Variants in MMEL1 observed in about 807,000 individuals in gnomAD.
MMEL1 encodes membrane metalloendopeptidase like 1, also known as membrane metallo-endopeptidase-like 1.
MMEL1 carries 98 observed loss-of-function variants against 117.1 expected under a neutral mutation model. The ratio of observed to expected loss-of-function variants is 0.84; its 90% CI spans 0.71 to 0.99. The LOEUF is 0.99. Among genes scored for constraint, MMEL1 ranks in the 50% least tolerant of loss-of-function variants. The probability of loss-of-function intolerance (pLI) is 0.00; values close to 1 mark genes in which losing one functional copy is unlikely to be tolerated. For synonymous variants in MMEL1, 390 were observed against 415.1 expected (o/e 0.94, Z 0.74); for missense variants, 1,014 against 1,049.1 (o/e 0.97, Z 0.46).
At chr1:2,625,785 C>T (rs977353503) in intron 2 of MMEL1, among the ~76,000 whole-genome samples, 4 of 152,162 alleles carry the variant, frequency 2.6e-5, no homozygotes, top group African/African-American at 9.7e-5. Flanking sequence ...GTGGTATATA[C>T]AAGATCGGGC....
intron 9 of MMEL1, among the ~76,000 whole-genome samples, chr1:2,604,635 AGGGTGGTGGGTGCCG>A (rs769883867): frequency 5.3e-5 from 8 of 151,140 alleles, no homozygotes; most frequent in South Asian, 2.1e-4. Context: ...TGTGGGTGCC[AGGGTGGTGGGTGCCG>A]GGGTGGTGGG....
chr1:2,604,249 T>G lies in MMEL1; in HGVS notation c.849A>C (p.Ser283=). ...CATCCTCCCGCAGCAACGTGGCCACTGACACCATGAACTGCAGGTAGGCTT... is the reference window on the plus strand; with the variant it reads ...CATCCTCCCGCAGCAACGTGGCCACGGACACCATGAACTGCAGGTAGGCTT... ...VREAYLQFMV[S]VATLLREDAN... Residue 283 remains serine (S), a synonymous_variant, in exon 10 of 24, where the codon TCA becomes TCC. Transcript: ENST00000378412. 6.2e-7 allele frequency: 1 copy of G among 1,612,714 alleles called. No homozygotes were observed. The highest frequency in any genetic ancestry group is 8.5e-7 in the Non-Finnish European group (1 of 1,179,886).
rs1260821188 is a variant in MMEL1 at position 2,591,419 on chromosome 1, G to T, written c.2240+138C>A. On this transcript the variant is annotated intron_variant, in intron 23 of 23. Coordinates refer to ENST00000378412, the MANE Select transcript of MMEL1 (RefSeq NM_033467.4). ...GAATGTCCCTGACCGAAATCGGCCA[G>T]AAGCCCCTCTCAGGTTTATTCCCAA... The T allele has an allele frequency of 7.0e-5, 51 of 732,738 alleles. No individual in the cohort carries two copies. In the Admixed American group the frequency reaches 1.1e-3, roughly 16 times the overall value. 45.4% of individuals were successfully genotyped at this position (732,738 alleles called of 1,614,324 possible).
At position 2,593,796 on chromosome 1, in the gene MMEL1, G is replaced by A. The variant is rs780981992; in HGVS notation, c.1867+18C>T. On this transcript the variant is annotated intron_variant, in intron 19 of 23. Transcript: ENST00000378412. ...CGGAGAGGGGAGGGCGTGTGTGATT[G>A]GAGGGGCGGCCGCTCACCATTGTCG... 1 of 1,587,348 alleles carries A rather than the reference G, an allele frequency of 6.3e-7. No homozygotes were observed. Among genetic ancestry groups the A allele is most frequent in the Non-Finnish European group, 8.6e-7 (1 of 1,164,174 alleles).
chr1:2,594,741 G>C (rs1260396321), intron 17 of MMEL1, 49 bp downstream of exon 17: 1 of 1,513,260 alleles, frequency 6.6e-7, no homozygotes, highest in Non-Finnish European at 9.1e-7. Context: ...CGCCTTACTG[G>C]CCACTCCCTG....
At chr1:2,617,477 G>A (rs536107615) in intron 2 of MMEL1, among the ~76,000 whole-genome samples, 5 of 146,990 alleles carry the variant, frequency 3.4e-5, no homozygotes, top group African/African-American at 1.3e-4. Context: ...GTGCATGCCT[G>A]TAATCCCATC....
intron 6 of MMEL1, among the ~76,000 whole-genome samples, chr1:2,607,519 G>GTGTCCTGTGTC (rs1557539853): frequency 6.6e-6 from 1 of 152,124 alleles, no homozygotes; most frequent in Non-Finnish European, 1.5e-5. Context: ...GGGCCTGTGT[G>GTGTCCTGTGTC]TGTCCTGTGT....
intron 11 of MMEL1, among the ~76,000 whole-genome samples, chr1:2,602,681 C>G (rs928899268): frequency 6.6e-6 from 1 of 152,194 alleles, no homozygotes; most frequent in Non-Finnish European, 1.5e-5. Flanking sequence ...TCAAGTGGCC[C>G]CCGAGGTCGG....
intron 11 of MMEL1, among the ~76,000 whole-genome samples, chr1:2,603,350 G>A (rs1644965489): frequency 1.3e-5 from 2 of 152,328 alleles, no homozygotes; most frequent in South Asian, 4.1e-4. Flanking sequence ...AGAGTCGGCT[G>A]AGGGAGTGGG....
intron 7 of MMEL1, among the ~76,000 whole-genome samples, chr1:2,606,705 A>C (rs1645034728): frequency 6.6e-6 from 1 of 151,892 alleles, no homozygotes; most frequent in South Asian, 2.1e-4. Context: ...CTGGGGCCTG[A>C]GTGTCGAGCG....
intron 2 of MMEL1, among the ~76,000 whole-genome samples, chr1:2,623,642 G>A (rs1451170000): frequency 2.6e-5 from 4 of 152,178 alleles, no homozygotes; most frequent in South Asian, 2.1e-4. Context: ...TGGAGTAGCC[G>A]GGAGCCCCCA....
At chr1:2,591,170 C>G in intron 23 of MMEL1, 81 bp from the exon 24 acceptor site, 5 of 1,004,138 alleles carry the variant, frequency 5.0e-6, no homozygotes, top group Non-Finnish European at 7.2e-6. Flanking sequence ...TGATTAAAAA[C>G]CAGCCCAAAA....
At chr1:2,593,760 C>T in intron 19 of MMEL1, 54 bp downstream of exon 19, 6 of 1,516,002 alleles carry the variant, frequency 4.0e-6, no homozygotes, top group Non-Finnish European at 5.3e-6. Flanking sequence ...CCCTTCCTGG[C>T]TGCTTCTCCG....
intron 6 of MMEL1, among the ~76,000 whole-genome samples, chr1:2,608,853 C>T (rs1645076247): frequency 6.6e-6 from 1 of 151,958 alleles, no homozygotes; most frequent in South Asian, 2.1e-4. Flanking sequence ...ACACATGTAC[C>T]CACATGTACA....
rs182039822 is a variant in MMEL1 at position 2,619,290 on chromosome 1, G to A, written c.155-7086C>T. On this transcript the variant is annotated intron_variant, in intron 2 of 23. Transcript: ENST00000378412. ...CAATAAATCATTGTTTTATGCCAGT[G>A]AGTGTTGGGCTGGGTTTTAAGACCC... Among the ~76,000 whole-genome samples, 12 of 152,348 alleles carry A rather than the reference G, an allele frequency of 7.9e-5. 1 individual carries two copies. The East Asian group carries it at 2.3e-3, about 29-fold the overall frequency.
Position 2,605,669 on chromosome 1 carries a change from C to A in MMEL1, c.751-46G>T, listed in dbSNP as rs1645012592. On this transcript the variant is annotated intron_variant, in intron 8 of 23. Coordinates refer to ENST00000378412, the MANE Select transcript of MMEL1 (RefSeq NM_033467.4). ...ACCCTGGGCAAGGGGCCCGGGGTCC[C>A]CGCAGCCTGGCTGAGGCAGGCTGCA... 3.3e-6 allele frequency: 5 copies of A among 1,523,334 alleles called. No homozygotes were observed. In the African/African-American group the frequency reaches 5.5e-5, roughly 17 times the overall value. The allele number at this position is 1,523,334 out of a possible 1,614,324, so 94.4% of individuals were successfully genotyped here.
chr1:2,603,097 C>T (rs571320711), intron 11 of MMEL1, among the ~76,000 whole-genome samples: 2 of 152,328 alleles, frequency 1.3e-5, no homozygotes, highest in South Asian at 4.1e-4. Flanking sequence ...CTAGGGACCA[C>T]CAGCCTTCCA....
At chr1:2,604,401 C>T in intron 9 of MMEL1, 120 bp from the exon 10 acceptor site, 1 of 1,375,344 alleles carries the variant, frequency 7.3e-7, no homozygotes. Context: ...TGTCCACCCA[C>T]CTTGACCAGC....
rs958503275 is a variant in MMEL1, at chr1:2,612,486, G to A, written c.155-282C>T. 6.6e-6 allele frequency among the ~76,000 whole-genome samples: 1 copy of A among 152,084 alleles called. No individual in the cohort carries two copies. The highest frequency in any genetic ancestry group is 2.1e-4 in the South Asian group (1 of 4,832). On this transcript the variant is annotated intron_variant, in intron 2 of 23. Coordinates refer to ENST00000378412, the MANE Select transcript of MMEL1 (RefSeq NM_033467.4). This position sits in a 1 kb window ranked among gnomAD's most constrained non-coding sequence, Gnocchi z 5.4. The stretch of plus-strand genomic sequence containing the variant: ...TCCCTCCACCCACCCCAAGGTCCCC[G>A]ATGTGCCAGGGCCTAGAGGGGTCCT...
Sources: gnomAD v4.1 joint callset for allele counts (sites outside exome capture counted in the v4.1 genomes callset) on GRCh38, gnomAD v4.1.1 for gene constraint, Gnocchi (gnomAD v3.1) non-coding constraint, MANE v1.5 for transcripts, NCBI Gene and HGNC (gene_info 2026-07-23, HGNC 2026-07-21) for gene names.